The following DIAPH3 variants were observed in gnomAD, a reference collection of about 807,000 sequenced individuals.
DIAPH3 encodes protein diaphanous homolog 3.
A neutral mutation model predicts 144.3 loss-of-function variants in DIAPH3; 117 were observed. That is an observed-to-expected ratio of 0.81 (90% CI 0.70 to 0.95). DIAPH3 has a LOEUF of 0.95. Among genes scored for constraint, DIAPH3 ranks in the 40% least tolerant of loss-of-function variants. The probability of loss-of-function intolerance (pLI) is 0.00; values close to 1 mark genes in which losing one functional copy is unlikely to be tolerated. For synonymous variants in DIAPH3, 519 were observed against 488.9 expected, an observed-to-expected ratio of 1.06 and a Z score of -0.81; for missense variants, 1,421 against 1,412.7, an observed-to-expected ratio of 1.01 and a Z score of -0.09.
chr13:60,068,207 T>G (rs1396408923), intron 4 of DIAPH3, among the ~76,000 whole-genome samples: 1 of 152,178 alleles, frequency 6.6e-6, no homozygotes, highest in Non-Finnish European at 1.5e-5. Flanking sequence ...GTGCTTTCAT[T>G]TCTACACCAT....
intron 1 of DIAPH3, among the ~76,000 whole-genome samples, chr13:60,145,021 C>T (rs939205744): frequency 6.6e-6 from 1 of 152,164 alleles, no homozygotes; most frequent in African/African-American, 2.4e-5. Flanking sequence ...CCCACCTTAT[C>T]ACTACTACTA....
chr13:59,894,168 C>T (rs550529633), intron 20 of DIAPH3, among the ~76,000 whole-genome samples: 6 of 152,000 alleles, frequency 3.9e-5, no homozygotes, highest in Non-Finnish European at 8.8e-5. Flanking sequence ...ATAAAGTATA[C>T]CCGTTGCTAT....
At chr13:59,771,453 A>T (rs2038114895) in intron 27 of DIAPH3, among the ~76,000 whole-genome samples, 1 of 152,144 alleles carries the variant, frequency 6.6e-6, no homozygotes. Context: ...TCCAAACCTC[A>T]GACTAGGAAA....
intron 24 of DIAPH3, among the ~76,000 whole-genome samples, chr13:59,830,873 CA>C (rs1448671318): frequency 6.6e-6 from 1 of 151,828 alleles, no homozygotes; most frequent in African/African-American, 2.4e-5. Context: ...GGATCACTTA[CA>C]AACAATATGG....
chr13:59,753,897 T>C (rs1411522960), intron 27 of DIAPH3, among the ~76,000 whole-genome samples: 2 of 152,256 alleles, frequency 1.3e-5, no homozygotes, highest in South Asian at 4.1e-4. Flanking sequence ...TTATTTTAAG[T>C]AAATCAAAGA....
At chr13:60,070,325 A>G (rs2057153848) in intron 4 of DIAPH3, among the ~76,000 whole-genome samples, 2 of 151,118 alleles carry the variant, frequency 1.3e-5, no homozygotes, top group Non-Finnish European at 2.9e-5. Context: ...CAAGTCCTAA[A>G]AGCCCACTGC....
chr13:59,857,430 A>G (rs1386981537), intron 22 of DIAPH3, among the ~76,000 whole-genome samples: 1 of 152,180 alleles, frequency 6.6e-6, no homozygotes, highest in Non-Finnish European at 1.5e-5. Context: ...ATATAAACAG[A>G]GTCTTAGAAG....
intron 25 of DIAPH3, among the ~76,000 whole-genome samples, chr13:59,802,421 TTTAA>T (rs1486082803): frequency 7.9e-5 from 12 of 151,416 alleles, no homozygotes; most frequent in South Asian, 6.2e-4. Flanking sequence ...ATATATCAAT[TTTAA>T]TTAATTTACT....
At chr13:59,851,198 C>T (rs1835669084) in intron 22 of DIAPH3, among the ~76,000 whole-genome samples, 1 of 152,216 alleles carries the variant, frequency 6.6e-6, no homozygotes, top group African/African-American at 2.4e-5. Context: ...CAAATCTTTA[C>T]AATGGACAGT....
At chr13:59,975,031 A>G (rs974352636) in intron 14 of DIAPH3, among the ~76,000 whole-genome samples, 2 of 151,704 alleles carry the variant, frequency 1.3e-5, no homozygotes, top group Non-Finnish European at 2.9e-5. Flanking sequence ...TACCTTCTGG[A>G]AAAAAAAGGA....
chr13:59,825,433 T>A (rs1250889763), intron 24 of DIAPH3, among the ~76,000 whole-genome samples: 1 of 152,200 alleles, frequency 6.6e-6, no homozygotes, highest in Non-Finnish European at 1.5e-5. Context: ...ATCCAGTCTA[T>A]CATTGTTGGA....
chr13:59,869,193 A>G (rs561842965), intron 21 of DIAPH3, among the ~76,000 whole-genome samples: 1 of 152,194 alleles, frequency 6.6e-6, no homozygotes, highest in Non-Finnish European at 1.5e-5. Context: ...AGGTTGTACT[A>G]TATACTTACC....
intron 25 of DIAPH3, among the ~76,000 whole-genome samples, chr13:59,779,787 C>T (rs898149104): frequency 5.9e-5 from 9 of 152,120 alleles, no homozygotes; most frequent in Non-Finnish European, 8.8e-5. Context: ...GCTGGGATTA[C>T]AGGCATGAGA....
chr13:59,983,644 T>C (rs2051177024), intron 13 of DIAPH3, 125 bp downstream of exon 13: 3 of 666,416 alleles, frequency 4.5e-6, no homozygotes, highest in South Asian at 3.6e-5. Context: ...TGTGCTATTA[T>C]GAAAACAGTT....
chr13:59,977,844 A>G (rs2050763716), intron 14 of DIAPH3, among the ~76,000 whole-genome samples: 1 of 151,818 alleles, frequency 6.6e-6, no homozygotes, highest in African/African-American at 2.4e-5. Context: ...GGGGGAAAAG[A>G]TATTTTTAGG....
chr13:59,949,653 A>G (rs1463360856), intron 17 of DIAPH3, among the ~76,000 whole-genome samples: 1 of 152,202 alleles, frequency 6.6e-6, no homozygotes, highest in East Asian at 1.9e-4. Context: ...ACAGCTGAGT[A>G]GCTGTGACAG....
intron 27 of DIAPH3, among the ~76,000 whole-genome samples, chr13:59,668,279 G>C (rs1429247430): frequency 6.6e-6 from 1 of 152,148 alleles, no homozygotes; most frequent in African/African-American, 2.4e-5. Flanking sequence ...CCACACCTCT[G>C]TCCCAAAGAA....
chr13:59,898,134 CAAAAAAAAAAAAA>C (rs34238599), intron 20 of DIAPH3, among the ~76,000 whole-genome samples: 2 of 72,196 alleles, frequency 2.8e-5, no homozygotes, highest in Non-Finnish European at 4.8e-5. Context: ...GACTCTGCCT[CAAAAAAAAAAAAA>C]AAAAAAAAAG....
chr13:60,001,612 C>T (rs1210259312), intron 9 of DIAPH3, among the ~76,000 whole-genome samples: 3 of 152,248 alleles, frequency 2.0e-5, no homozygotes, highest in Admixed American at 1.3e-4. Context: ...ACAAACAACA[C>T]TTTCCTTCCA....
Sources: gnomAD v4.1 joint callset for allele counts (sites outside exome capture counted in the v4.1 genomes callset) on GRCh38, gnomAD v4.1.1 for gene constraint, MANE v1.5 for transcripts, NCBI Gene and HGNC (gene_info 2026-07-23, HGNC 2026-07-21) for gene names.